The following KLHL18 variants were observed in gnomAD, a reference collection of about 807,000 sequenced individuals.
KLHL18 encodes the protein kelch like family member 18.
KLHL18 carries 38 observed loss-of-function variants against 58.5 expected under a neutral mutation model. That is an observed-to-expected ratio of 0.65 (90% CI 0.50 to 0.85). The LOEUF (loss-of-function observed/expected upper bound fraction) is 0.85, where lower values mean the gene tolerates loss of function less well. KLHL18 is among the 40% of genes least tolerant of loss of function. The probability of loss-of-function intolerance (pLI) is 0.00; values close to 1 mark genes in which losing one functional copy is unlikely to be tolerated. For missense variants in KLHL18, 624 were observed against 778.4 expected (o/e 0.80, Z 2.36); for synonymous variants, 303 against 301.9 (o/e 1.00, Z -0.04).
At chr3:47,283,702 A>T (rs113837281) in intron 1 of KLHL18, among the ~76,000 whole-genome samples, 4 of 152,112 alleles carry the variant, frequency 2.6e-5, no homozygotes, top group African/African-American at 9.7e-5. Flanking sequence ...GCGTGGGGAG[A>T]GGGATGCTGA....
chr3:47,321,444 G>A (rs1703586059), intron 2 of KLHL18, among the ~76,000 whole-genome samples: 1 of 152,010 alleles, frequency 6.6e-6, no homozygotes, highest in Middle Eastern at 3.4e-3. Flanking sequence ...CCGCCTCTTG[G>A]ATTCAAGCGA....
chr3:47,290,506 A>G (rs539982604), intron 1 of KLHL18, among the ~76,000 whole-genome samples: 2 of 150,976 alleles, frequency 1.3e-5, no homozygotes, highest in Non-Finnish European at 2.9e-5. Context: ...TCTCTTGCCC[A>G]GGCTGGAGTA....
intron 1 of KLHL18, among the ~76,000 whole-genome samples, chr3:47,315,440 A>G (rs1703398051): frequency 6.6e-6 from 1 of 152,232 alleles, no homozygotes. Flanking sequence ...AAAACTGAAA[A>G]GAAGGGCTTT....
intron 1 of KLHL18, among the ~76,000 whole-genome samples, chr3:47,312,058 C>T (rs771379375): frequency 1.3e-5 from 2 of 152,100 alleles, no homozygotes; most frequent in South Asian, 2.1e-4. Flanking sequence ...GAAGCAAATT[C>T]GGAGGTGTTG....
chr3:47,322,721 G>T lies in KLHL18; in HGVS notation c.401+13G>T. The T allele has an allele frequency of 6.5e-7, 1 of 1,540,724 alleles. No individual in the cohort carries two copies. On this transcript the variant is annotated intron_variant, in intron 3 of 9. Transcript: ENST00000232766. ...TCCTTCGAGAACGGTGAGGTGATGTGGTGGGCCTGGTGGAGAACATGACTA... is the reference window on the plus strand; with the variant it reads ...TCCTTCGAGAACGGTGAGGTGATGTTGTGGGCCTGGTGGAGAACATGACTA...
At chr3:47,283,175 A>G in intron 1 of KLHL18, 81 bp downstream of exon 1, 17 of 667,356 alleles carry the variant, frequency 2.5e-5, no homozygotes, top group Middle Eastern at 3.4e-4. Flanking sequence ...AGAGAAAGAG[A>G]GGTCTAGCAG....
At chr3:47,313,211 ATTT>A (rs759672291) in intron 1 of KLHL18, among the ~76,000 whole-genome samples, 18 of 117,314 alleles carry the variant, frequency 1.5e-4, no homozygotes, top group Admixed American at 5.2e-4. Context: ...GCCCGGCCTA[ATTT>A]TTTTTTTTTT....
At chr3:47,286,702 G>A (rs1284220297) in intron 1 of KLHL18, among the ~76,000 whole-genome samples, 1 of 152,212 alleles carries the variant, frequency 6.6e-6, no homozygotes, top group Non-Finnish European at 1.5e-5. Context: ...GTTGTAGGGT[G>A]ATGGACCTGT....
At chr3:47,320,862 G>C (rs1009321405) in intron 2 of KLHL18, among the ~76,000 whole-genome samples, 1 of 152,166 alleles carries the variant, frequency 6.6e-6, no homozygotes, top group African/African-American at 2.4e-5. Flanking sequence ...GCCGCGAGCT[G>C]TGATCACACC....
At chr3:47,326,796 C>T (rs1160230161) in intron 3 of KLHL18, among the ~76,000 whole-genome samples, 2 of 151,874 alleles carry the variant, frequency 1.3e-5, no homozygotes, top group African/African-American at 4.8e-5. Context: ...TTGCAGGCAC[C>T]TGTAATCCCA....
intron 8 of KLHL18, 84 bp downstream of exon 8, chr3:47,340,760 C>A: frequency 6.7e-7 from 1 of 1,488,928 alleles, no homozygotes; most frequent in Non-Finnish European, 9.3e-7. Context: ...TTAATTTAAG[C>A]TTCTCAAGGG....
intron 8 of KLHL18, among the ~76,000 whole-genome samples, chr3:47,340,911 G>C (rs920069785): frequency 1.3e-5 from 2 of 151,976 alleles, no homozygotes; most frequent in Admixed American, 6.6e-5. Context: ...TTATTTAATG[G>C]TCTGTACCTC....
intron 2 of KLHL18, among the ~76,000 whole-genome samples, chr3:47,321,999 C>G (rs1703601018): frequency 6.6e-6 from 1 of 152,166 alleles, no homozygotes; most frequent in African/African-American, 2.4e-5. Context: ...AGAGCACATA[C>G]AGCCTTATAG....
chr3:47,310,204 G>A (rs375468749), intron 1 of KLHL18, among the ~76,000 whole-genome samples: 1 of 152,318 alleles, frequency 6.6e-6, no homozygotes, highest in East Asian at 1.9e-4. Flanking sequence ...AGCCCCACCT[G>A]CCTGTGGTAG....
At chr3:47,288,220 CAAAAAA>C (rs768468646) in intron 1 of KLHL18, among the ~76,000 whole-genome samples, 2 of 44,630 alleles carry the variant, frequency 4.5e-5, no homozygotes, top group African/African-American at 7.9e-5. Context: ...ACTCTGTCTC[CAAAAAA>C]AAAAAAAAAA....
chr3:47,319,481 G>A (rs939244826), intron 1 of KLHL18, among the ~76,000 whole-genome samples, 172 bp from the exon 2 acceptor site: 1 of 152,162 alleles, frequency 6.6e-6, no homozygotes, highest in Non-Finnish European at 1.5e-5. Context: ...AAATACTTCA[G>A]GGTCATCATG....
chr3:47,307,061 T>C lies in KLHL18; in HGVS notation c.130-12592T>C, dbSNP rs6779913. Among the ~76,000 whole-genome samples the C allele has an allele frequency of 7.0e-3, 1,069 of 152,308 alleles. 15 individuals are homozygous for C. Among genetic ancestry groups the C allele is most frequent in the African/African-American group, 0.024 (1,011 of 41,556 alleles). ...TGTTGGTTTTATGTTTGCAAATATC[T>C]TTTCTCACTTGTAACTTGTCTTTTT... is the stretch of plus-strand genomic sequence containing the variant. On this transcript the variant is annotated intron_variant, in intron 1 of 9. Transcript: ENST00000232766.
intron 4 of KLHL18, among the ~76,000 whole-genome samples, chr3:47,331,558 A>G (rs550488569): frequency 2.8e-4 from 42 of 147,928 alleles, no homozygotes; most frequent in Admixed American, 1.2e-3. Flanking sequence ...TCAGCTTCCC[A>G]AGTAGCTGGG....
chr3:47,292,831 C>CG (rs1336546989), intron 1 of KLHL18, among the ~76,000 whole-genome samples: 1 of 150,502 alleles, frequency 6.6e-6, no homozygotes, highest in Admixed American at 6.7e-5. Context: ...ACCTGAGCCC[C>CG]GGGAGGTCAA....
Sources: gnomAD v4.1 joint callset for allele counts (sites outside exome capture counted in the v4.1 genomes callset) on GRCh38, gnomAD v4.1.1 for gene constraint, MANE v1.5 for transcripts, NCBI Gene and HGNC (gene_info 2026-07-23, HGNC 2026-07-21) for gene names.